The following FAM13B variants were observed in gnomAD, a reference collection of about 807,000 sequenced individuals.
The protein encoded by FAM13B is family with sequence similarity 13 member B.
A neutral mutation model predicts 117.3 loss-of-function variants in FAM13B; 60 were observed. The ratio of observed to expected loss-of-function variants is 0.51; its 90% CI spans 0.42 to 0.63. The LOEUF is 0.63. Among genes scored for constraint, FAM13B ranks in the 30% least tolerant of loss-of-function variants. The pLI, the probability that FAM13B is intolerant of heterozygous loss-of-function variation, is 0.00. For synonymous variants in FAM13B, 332 were observed against 356.1 expected (o/e 0.93, Z 0.76); for missense variants, 972 against 1,091.9 (o/e 0.89, Z 1.55).
At chr5:137,986,129 C>G (rs933568271) in intron 9 of FAM13B, among the ~76,000 whole-genome samples, 1 of 151,716 alleles carries the variant, frequency 6.6e-6, no homozygotes, top group Non-Finnish European at 1.5e-5. Flanking sequence ...CGCCTTTTCC[C>G]AGTTGTATGC....
chr5:138,043,606 A>T (rs959039440), intron 1 of FAM13B, among the ~76,000 whole-genome samples: 2 of 151,344 alleles, frequency 1.3e-5, no homozygotes, highest in East Asian at 3.9e-4. Context: ...CGCCCGGCTG[A>T]TTTTTTGTAT....
At chr5:138,013,677 T>C (rs1186300114) in intron 4 of FAM13B, among the ~76,000 whole-genome samples, 2 of 152,210 alleles carry the variant, frequency 1.3e-5, no homozygotes, top group Admixed American at 6.5e-5. Context: ...CCTGGATTAA[T>C]GTTTAAATCA....
At chr5:137,949,211 A>G (rs1238491544) in intron 17 of FAM13B, 27 bp from the exon 18 acceptor site, 18 of 1,578,448 alleles carry the variant, frequency 1.1e-5, no homozygotes, top group Non-Finnish European at 1.5e-5. Context: ...AGGACAGATC[A>G]GTAATAATTG....
intron 10 of FAM13B, among the ~76,000 whole-genome samples, chr5:137,973,831 G>T (rs1416759709): frequency 5.1e-5 from 7 of 138,364 alleles, no homozygotes; most frequent in Non-Finnish European, 9.4e-5. Flanking sequence ...AGACATTTAT[G>T]CAGCCAAAAA....
chr5:137,976,964 C>T (rs1331335941), intron 10 of FAM13B, among the ~76,000 whole-genome samples: 1 of 152,136 alleles, frequency 6.6e-6, no homozygotes, highest in Non-Finnish European at 1.5e-5. Context: ...ACTCTGACTG[C>T]CGGTGAGCCA....
intron 10 of FAM13B, among the ~76,000 whole-genome samples, chr5:137,968,103 T>C (rs1393475668): frequency 6.6e-6 from 1 of 150,678 alleles, no homozygotes; most frequent in African/African-American, 2.4e-5. Flanking sequence ...GTGCCTATAA[T>C]CCCAGCTACT....
At position 138,011,770 on chromosome 5, in the gene FAM13B, G is replaced by A. The variant is rs752207245; in HGVS notation, c.546C>T (p.Phe182=). The part of the protein sequence containing the change: ...SLAAVFGPDV[F]HIYTDVEDMK... ...CAAAAATTTTTTAAACAACTTACTGGAAGACATCTGGACCAAAGACAGCAG... is the reference window on the plus strand; with the variant it reads ...CAAAAATTTTTTAAACAACTTACTGAAAGACATCTGGACCAAAGACAGCAG... Residue 182 remains phenylalanine, a splice_region_variant and synonymous_variant, in exon 5 of 24, where the codon TTC becomes TTT. Coordinates refer to ENST00000689681, the MANE Select transcript of FAM13B (RefSeq NM_001385994.1). 8 of 1,605,888 alleles carry A rather than the reference G, an allele frequency of 5.0e-6. No homozygotes were observed. Among genetic ancestry groups the A allele is most frequent in the Non-Finnish European group, 5.9e-6 (7 of 1,177,200 alleles).
intron 10 of FAM13B, among the ~76,000 whole-genome samples, chr5:137,979,081 C>G (rs1774879154): frequency 6.6e-6 from 1 of 150,566 alleles, no homozygotes; most frequent in Non-Finnish European, 1.5e-5. Flanking sequence ...GGCATAATCT[C>G]AGCTCACTGC....
At chr5:138,004,777 G>A (rs1043369500) in intron 7 of FAM13B, among the ~76,000 whole-genome samples, 3 of 151,988 alleles carry the variant, frequency 2.0e-5, no homozygotes, top group African/African-American at 7.3e-5. Flanking sequence ...CTACACAGGA[G>A]GCTGAGGCAG....
At chr5:138,004,608 G>T in intron 7 of FAM13B, among the ~76,000 whole-genome samples, 1 of 152,092 alleles carries the variant, frequency 6.6e-6, no homozygotes, top group South Asian at 2.1e-4. Context: ...ATTTCAGTTC[G>T]TTTAAGTTTA....
intron 1 of FAM13B, among the ~76,000 whole-genome samples, chr5:138,043,946 T>C (rs934162394): frequency 6.6e-6 from 1 of 152,010 alleles, no homozygotes; most frequent in African/African-American, 2.4e-5. Flanking sequence ...AGAGAAAGTG[T>C]CTCACTCCAT....
At chr5:138,013,312 T>G (rs544364687) in intron 4 of FAM13B, among the ~76,000 whole-genome samples, 41 of 152,188 alleles carry the variant, frequency 2.7e-4, no homozygotes, top group African/African-American at 8.7e-4. Flanking sequence ...CCATCCTGGC[T>G]AACACAGTGA....
intron 18 of FAM13B, 144 bp downstream of exon 18, chr5:137,948,811 T>C: frequency 1.5e-6 from 1 of 645,510 alleles, no homozygotes; most frequent in South Asian, 1.9e-5. Context: ...GTTATGCTGA[T>C]TAAATCATGT....
intron 9 of FAM13B, among the ~76,000 whole-genome samples, chr5:137,986,425 T>C (rs1777231756): frequency 1.1e-4 from 2 of 18,710 alleles, no homozygotes; most frequent in Non-Finnish European, 1.7e-4. Flanking sequence ...TTTTCTCATC[T>C]TCCCCCCCCC....
intron 18 of FAM13B, 61 bp downstream of exon 18, chr5:137,948,894 A>C: frequency 1.6e-6 from 2 of 1,280,332 alleles, no homozygotes; most frequent in East Asian, 2.3e-5. Flanking sequence ...CTGCTATAGT[A>C]ATTATTTTGT....
chr5:137,969,399 C>T (rs927308109), intron 10 of FAM13B, among the ~76,000 whole-genome samples: 2 of 152,156 alleles, frequency 1.3e-5, no homozygotes, highest in African/African-American at 4.8e-5. Context: ...AGCTGAGGGT[C>T]CTGTCTGTTA....
chr5:138,019,069 C>T lies in FAM13B; in HGVS notation c.43G>A (p.Val15Ile). The stretch of plus-strand genomic sequence containing the variant: ...ATTCCAAATATTTTGTTAGCAAGAA[C>T]GGAGTTGCAGTTACTCAAGGAAGGG... ...SSPSLSNCNS[V>I]LANKIFGIPL... Residue 15 changes from valine (V) to isoleucine (I), a missense_variant, in exon 3 of 24, where the codon GTT becomes ATT. Val to Ile is a conservative substitution (Grantham distance 29). Coordinates refer to ENST00000689681, the MANE Select transcript of FAM13B (RefSeq NM_001385994.1). 1 of 1,613,964 alleles carries T rather than the reference C, an allele frequency of 6.2e-7. No homozygotes were observed.
chr5:138,020,218 G>A (rs1170206560), intron 2 of FAM13B, among the ~76,000 whole-genome samples: 9 of 151,766 alleles, frequency 5.9e-5, no homozygotes, highest in Non-Finnish European at 8.8e-5. Flanking sequence ...GCGCCACCAC[G>A]CCCGGCTAAT....
chr5:137,956,490 C>A lies in FAM13B; in HGVS notation c.1494G>T (p.Gln498His). The change falls in exon 14 of 24, where the codon CAG (glutamine) becomes CAT (histidine). Residue 498 changes from glutamine (Q) to histidine (H), a missense_variant. By Grantham distance (24) the Gln-to-His change is conservative. Coordinates refer to ENST00000689681, the MANE Select transcript of FAM13B (RefSeq NM_001385994.1). ...PLIDFKTMHL[Q>H]RDGEEPFPAF... ...AACCATACTTACCCTCCCCATCTCT[C>A]TGCAGATGCATTGTTTTGAAATCAA... The A allele has an allele frequency of 6.2e-7, 1 of 1,600,536 alleles. No homozygotes were observed. The highest frequency in any genetic ancestry group is 1.1e-5 in the South Asian group (1 of 87,940).
Sources: allele counts gnomAD v4.1 joint callset (sites outside exome capture counted in the v4.1 genomes callset), GRCh38; gene constraint gnomAD v4.1.1; transcripts MANE v1.5; gene names NCBI Gene and HGNC (gene_info 2026-07-23, HGNC 2026-07-21).